Variants in COL25A1 observed in about 807,000 individuals in gnomAD.
The protein encoded by COL25A1 is collagen type XXV alpha 1 chain.
A neutral mutation model predicts 128.4 loss-of-function variants in COL25A1; 103 were observed. The ratio of observed to expected loss-of-function variants is 0.80; its 90% CI spans 0.68 to 0.94. The LOEUF is 0.94. Ranked by LOEUF, COL25A1 falls within the 40% of genes least tolerant of loss-of-function variation. The probability of loss-of-function intolerance (pLI) is 0.00; values close to 1 mark genes in which losing one functional copy is unlikely to be tolerated. For synonymous variants in COL25A1, 279 were observed against 277.2 expected, an observed-to-expected ratio of 1.01 and a Z score of -0.06; for missense variants, 745 against 840.0, an observed-to-expected ratio of 0.89 and a Z score of 1.40.
chr4:109,088,094 TAATC>T (rs1398835549), intron 3 of COL25A1, among the ~76,000 whole-genome samples: 1 of 151,462 alleles, frequency 6.6e-6, no homozygotes, highest in Non-Finnish European at 1.5e-5. Flanking sequence ...ACTTCAAAAT[TAATC>T]AACACACATA....
chr4:109,236,362 AT>A (rs1560910345), intron 3 of COL25A1, among the ~76,000 whole-genome samples: 1 of 152,086 alleles, frequency 6.6e-6, no homozygotes, highest in Non-Finnish European at 1.5e-5. Flanking sequence ...GCTATTTTGA[AT>A]TTTCTGGTTT....
intron 31 of COL25A1, among the ~76,000 whole-genome samples, chr4:108,834,775 C>G (rs924400848): frequency 1.3e-5 from 2 of 151,990 alleles, no homozygotes; most frequent in Non-Finnish European, 2.9e-5. Flanking sequence ...GAGAAAAGAA[C>G]GGTAATTTCC....
chr4:109,151,871 A>T (rs2126103134), intron 3 of COL25A1, among the ~76,000 whole-genome samples: 1 of 152,316 alleles, frequency 6.6e-6, no homozygotes, highest in African/African-American at 2.4e-5. Context: ...AATAAAGCTA[A>T]CTTAGCTTTC....
At chr4:109,212,291 A>G (rs1777629048) in intron 3 of COL25A1, among the ~76,000 whole-genome samples, 1 of 152,170 alleles carries the variant, frequency 6.6e-6, no homozygotes, top group Non-Finnish European at 1.5e-5. Flanking sequence ...TGGACATCTA[A>G]GATGGCTTAT....
At chr4:108,832,232 T>C (rs1194050335) in intron 32 of COL25A1, 148 bp downstream of exon 32, 1 of 584,408 alleles carries the variant, frequency 1.7e-6, no homozygotes, top group Non-Finnish European at 3.0e-6. Flanking sequence ...ATATTAGGAC[T>C]CTGAATAGAA....
intron 3 of COL25A1, among the ~76,000 whole-genome samples, chr4:109,050,517 C>A (rs1043058407): frequency 6.6e-6 from 1 of 151,918 alleles, no homozygotes; most frequent in Non-Finnish European, 1.5e-5. Context: ...AGAAATATTT[C>A]TTTTCAGTAT....
At chr4:108,966,944 G>GA (rs1553986330) in intron 8 of COL25A1, among the ~76,000 whole-genome samples, 12 of 141,738 alleles carry the variant, frequency 8.5e-5, no homozygotes, top group South Asian at 4.8e-4. Flanking sequence ...AAGAAAGAGA[G>GA]GAAAGAAAGA....
At chr4:109,145,601 G>A (rs1219053714) in intron 3 of COL25A1, among the ~76,000 whole-genome samples, 2 of 152,176 alleles carry the variant, frequency 1.3e-5, no homozygotes, top group Non-Finnish European at 2.9e-5. Context: ...CACTTTGGGA[G>A]GCTGAGGTGG....
chr4:108,947,671 A>T (rs988140827), intron 8 of COL25A1, among the ~76,000 whole-genome samples: 1 of 152,108 alleles, frequency 6.6e-6, no homozygotes, highest in African/African-American at 2.4e-5. Context: ...TAGTCAGGCA[A>T]ATGACTCAAA....
chr4:109,047,792 G>C (rs1285989514), intron 5 of COL25A1, among the ~76,000 whole-genome samples: 1 of 146,510 alleles, frequency 6.8e-6, no homozygotes, highest in Non-Finnish European at 1.5e-5. Context: ...GAGTGCAGTG[G>C]CATGATCTCG....
chr4:109,099,589 A>G (rs1387697741), intron 3 of COL25A1, among the ~76,000 whole-genome samples: 1 of 151,190 alleles, frequency 6.6e-6, no homozygotes, highest in East Asian at 1.9e-4. Flanking sequence ...ACAAGGTGGG[A>G]AGTCTTTTAA....
intron 3 of COL25A1, among the ~76,000 whole-genome samples, chr4:109,142,776 T>A (rs1339927684): frequency 2.0e-5 from 3 of 152,090 alleles, no homozygotes; most frequent in Admixed American, 1.3e-4. Flanking sequence ...TCTTCCTCCA[T>A]CCCTTTATTT....
intron 33 of COL25A1, among the ~76,000 whole-genome samples, chr4:108,826,322 G>C (rs1732373987): frequency 6.6e-6 from 1 of 152,164 alleles, no homozygotes; most frequent in Admixed American, 6.5e-5. Context: ...CGGATCACTT[G>C]AGGTCAGGAG....
At position 109,278,271 on chromosome 4, in the gene COL25A1, A is replaced by G. The variant is rs377615532; in HGVS notation, c.367+22312T>C. ...TCCAACATAATCTACTTGTCAGAGAACACGCAGCTATGTAGCTTTATAAAT... is the reference window on the plus strand; with the variant it reads ...TCCAACATAATCTACTTGTCAGAGAGCACGCAGCTATGTAGCTTTATAAAT... On this transcript the variant is annotated intron_variant, in intron 3 of 37. Coordinates refer to ENST00000399132, the MANE Select transcript of COL25A1 (RefSeq NM_198721.4). Among the ~76,000 whole-genome samples, 167 of 152,352 alleles carry G rather than the reference A, an allele frequency of 1.1e-3. 2 individuals are homozygous for G. The highest frequency in any genetic ancestry group is 3.7e-3 in the African/African-American group (153 of 41,592).
chr4:108,989,141 T>G (rs1753935120), intron 6 of COL25A1, among the ~76,000 whole-genome samples: 1 of 152,248 alleles, frequency 6.6e-6, no homozygotes, highest in South Asian at 2.1e-4. Flanking sequence ...AGGGTCCTGC[T>G]GGCCCAAATT....
chr4:109,013,421 GC>G lies in COL25A1; in HGVS notation c.421-3047del, dbSNP rs777565597. On this transcript the variant is annotated intron_variant, in intron 5 of 37. Transcript: ENST00000399132. ...GGCCAATCAGCAGGATGTGGGTGGG[GC>G]CAGATAAGAGAATAAAAGCAGGCTG... is the stretch of plus-strand genomic sequence containing the variant. Among the ~76,000 whole-genome samples the G allele has an allele frequency of 6.4e-4, 98 of 152,304 alleles. 1 individual carries two copies. Among genetic ancestry groups the G allele is most frequent in the Middle Eastern group, 3.4e-3 (1 of 294 alleles).
At chr4:108,834,259 T>C in intron 31 of COL25A1, 2 of 1,253,626 alleles carry the variant, frequency 1.6e-6, no homozygotes, top group South Asian at 1.3e-5. Flanking sequence ...TACACCCTCA[T>C]CATTTGATGA....
At chr4:109,222,729 C>T (rs1428702157) in intron 3 of COL25A1, among the ~76,000 whole-genome samples, 1 of 152,086 alleles carries the variant, frequency 6.6e-6, no homozygotes, top group Non-Finnish European at 1.5e-5. Flanking sequence ...GACATATTCC[C>T]AAAGGAGGCT....
intron 3 of COL25A1, among the ~76,000 whole-genome samples, chr4:109,076,193 T>C (rs1763360474): frequency 1.3e-5 from 2 of 152,186 alleles, no homozygotes; most frequent in South Asian, 4.1e-4. Context: ...CTGGAACCTG[T>C]TTCCCACTGA....
Sources: gnomAD v4.1 joint callset for allele counts (sites outside exome capture counted in the v4.1 genomes callset) on GRCh38, gnomAD v4.1.1 for gene constraint, MANE v1.5 for transcripts, NCBI Gene and HGNC (gene_info 2026-07-23, HGNC 2026-07-21) for gene names.